SNX24: variants seen among roughly 807,000 people sequenced by gnomAD.
SNX24 encodes sorting nexin 24.
In SNX24, 22 loss-of-function variants were observed where a neutral mutation model predicts 28.7. The ratio of observed to expected loss-of-function variants is 0.77; its 90% CI spans 0.55 to 1.10. The LOEUF (loss-of-function observed/expected upper bound fraction) is 1.10, where lower values mean the gene tolerates loss of function less well. Ranked by LOEUF, SNX24 falls within the 50% of genes least tolerant of loss-of-function variation. SNX24 has a pLI of 0.00. For missense variants in SNX24, 221 were observed against 201.1 expected (o/e 1.10, Z -0.60); for synonymous variants, 69 against 71.5 (o/e 0.96, Z 0.18).
chr5:122,935,849 C>CT (rs575055007), intron 1 of SNX24, among the ~76,000 whole-genome samples: 3 of 152,004 alleles, frequency 2.0e-5, no homozygotes, highest in Non-Finnish European at 2.9e-5. Flanking sequence ...GAAAATTAGG[C>CT]TTATTAAGTA....
intron 1 of SNX24, chr5:122,890,928 C>T: frequency 1.7e-6 from 2 of 1,157,538 alleles, no homozygotes; most frequent in Non-Finnish European, 2.2e-6. Context: ...AATTTTTATC[C>T]CTTCAAGATT....
intron 3 of SNX24, among the ~76,000 whole-genome samples, chr5:122,990,900 A>G (rs552087224): frequency 2.0e-5 from 3 of 152,184 alleles, no homozygotes; most frequent in South Asian, 4.2e-4. Flanking sequence ...ATGTATGTAT[A>G]TATTTATGTA....
At chr5:122,940,946 A>G (rs1175342062) in intron 2 of SNX24, among the ~76,000 whole-genome samples, 2 of 152,128 alleles carry the variant, frequency 1.3e-5, no homozygotes, top group Non-Finnish European at 2.9e-5. Context: ...TGCCTTTTCC[A>G]CCATTCCTCG....
intron 2 of SNX24, among the ~76,000 whole-genome samples, chr5:122,945,532 T>A (rs1258414351): frequency 6.6e-6 from 1 of 152,226 alleles, no homozygotes; most frequent in African/African-American, 2.4e-5. Context: ...GGAAAGTAAT[T>A]GTTAGGAACA....
At chr5:123,009,859 G>A (rs1429404318), downstream of SNX24, among the ~76,000 whole-genome samples, 1 of 152,242 alleles carries the variant, frequency 6.6e-6, no homozygotes, top group African/African-American at 2.4e-5. Flanking sequence ...GGGAGCTACA[G>A]CCTGTGCTGT....
chr5:122,893,175 AT>A (rs1306630567), intron 1 of SNX24, among the ~76,000 whole-genome samples: 1 of 150,594 alleles, frequency 6.6e-6, no homozygotes, highest in Non-Finnish European at 1.5e-5. Context: ...AAAAAAAAAA[AT>A]TCAAAGTGTT....
Position 122,912,740 on chromosome 5 carries a change from T to G in SNX24, c.61-23994T>G, listed in dbSNP as rs553111747. Reference sequence around the variant, plus strand: ...TATTGAGATAATCATGTGGGTTTTTTTTTTTTTTTTTAATTGATCATTCTT... The same window carrying G: ...TATTGAGATAATCATGTGGGTTTTTGTTTTTTTTTTTAATTGATCATTCTT... On this transcript the variant is annotated intron_variant, in intron 1 of 6. Coordinates refer to ENST00000261369, the MANE Select transcript of SNX24 (RefSeq NM_014035.4). 1.0e-3 allele frequency among the ~76,000 whole-genome samples: 153 copies of G among 152,018 alleles called. 1 individual carries two copies. Among genetic ancestry groups the G allele is most frequent in the African/African-American group, 3.5e-3 (144 of 41,486 alleles).
At chr5:122,854,263 C>T (rs1755066525) in intron 1 of SNX24, among the ~76,000 whole-genome samples, 1 of 152,028 alleles carries the variant, frequency 6.6e-6, no homozygotes, top group South Asian at 2.1e-4. Flanking sequence ...AGTCCCAGCA[C>T]TTTGGGAGGC....
Position 122,900,283 on chromosome 5 carries a change from C to G in SNX24, c.61-36451C>G, listed in dbSNP as rs147350140. ...GTGTGAAATGATTACCACAATCAAG[C>G]GAATTAACATATCTATCACCTCACA... On this transcript the variant is annotated intron_variant, in intron 1 of 6. Coordinates refer to ENST00000261369, the MANE Select transcript of SNX24 (RefSeq NM_014035.4). Among the ~76,000 whole-genome samples the G allele has an allele frequency of 2.6e-5, 4 of 152,034 alleles. No homozygotes were observed. The South Asian group carries it at 6.2e-4, about 24-fold the overall frequency.
intron 1 of SNX24, among the ~76,000 whole-genome samples, chr5:122,903,983 T>C (rs1757542841): frequency 6.6e-6 from 1 of 152,186 alleles, no homozygotes; most frequent in South Asian, 2.1e-4. Flanking sequence ...AAAACATAAA[T>C]GTATGTTATG....
At chr5:122,957,359 C>G (rs1483256998) in intron 3 of SNX24, among the ~76,000 whole-genome samples, 1 of 152,134 alleles carries the variant, frequency 6.6e-6, no homozygotes, top group East Asian at 1.9e-4. Flanking sequence ...ACTGTTTATG[C>G]CATTACATTG....
At chr5:123,019,475 G>A (rs904027598) in intron 5 of SNX24, among the ~76,000 whole-genome samples, 1 of 152,132 alleles carries the variant, frequency 6.6e-6, no homozygotes, top group African/African-American at 2.4e-5. Context: ...AAATGAGGTT[G>A]GTGAGTCCTG....
intron 2 of SNX24, among the ~76,000 whole-genome samples, chr5:122,945,490 A>G (rs1054248070): frequency 3.3e-5 from 5 of 152,240 alleles, no homozygotes; most frequent in African/African-American, 1.2e-4. Flanking sequence ...GGCTTAGCTG[A>G]GAACTATCAT....
chr5:123,024,228 C>G (rs1388575868), intron 5 of SNX24, among the ~76,000 whole-genome samples: 1 of 152,184 alleles, frequency 6.6e-6, no homozygotes, highest in Non-Finnish European at 1.5e-5. Flanking sequence ...CCATGACCTT[C>G]TTACTCAGAG....
At chr5:123,024,332 G>A (rs1581871362) in intron 5 of SNX24, among the ~76,000 whole-genome samples, 1 of 152,188 alleles carries the variant, frequency 6.6e-6, no homozygotes, top group Non-Finnish European at 1.5e-5. Context: ...CTAGTAAAAG[G>A]CATTTCCATT....
rs1307695160 is a variant in SNX24 at position 123,024,348 on chromosome 5, G to T, written n.384-4890G>T. ...TAGTAAAAGGCATTTCCATTCACCT[G>T]GTATAAGCCAGCGTAACAGTTAACA... On this transcript the variant is annotated intron_variant and non_coding_transcript_variant, in intron 5 of 5. Coordinates refer to the SNX24 transcript ENST00000502387. Among the ~76,000 whole-genome samples, 7 of 152,126 alleles carry T rather than the reference G, an allele frequency of 4.6e-5. 1 individual carries two copies. Among genetic ancestry groups the T allele is most frequent in the Admixed American group, 4.6e-4 (7 of 15,276 alleles).
intron 3 of SNX24, among the ~76,000 whole-genome samples, chr5:122,951,574 C>G (rs1437258499): frequency 6.6e-6 from 1 of 152,112 alleles, no homozygotes; most frequent in East Asian, 1.9e-4. Context: ...AGTTTTGCCT[C>G]CTGATTTGAG....
chr5:122,951,688 G>A (rs1759949436), intron 3 of SNX24, among the ~76,000 whole-genome samples: 1 of 152,230 alleles, frequency 6.6e-6, no homozygotes, highest in African/African-American at 2.4e-5. Flanking sequence ...GAAAAGAGAA[G>A]ATCATCAAAG....
In SNX24 at chr5:122,986,652, G is replaced by A. The variant is rs1297120493; in HGVS notation, c.250-13260G>A. Among the ~76,000 whole-genome samples, 5 of 152,066 alleles carry A rather than the reference G, an allele frequency of 3.3e-5. No individual in the cohort carries two copies. The East Asian group carries it at 9.6e-4, about 29-fold the overall frequency. ...CAGAGCATGAAAGAGTGAATGAACT[G>A]GAGATAAGAAAGGGAAACAGCATCG... On this transcript the variant is annotated intron_variant, in intron 3 of 6. Transcript: ENST00000261369.
Sources: gnomAD v4.1 joint callset for allele counts (sites outside exome capture counted in the v4.1 genomes callset) on GRCh38, gnomAD v4.1.1 for gene constraint, MANE v1.5 for transcripts, NCBI Gene and HGNC (gene_info 2026-07-23, HGNC 2026-07-21) for gene names.